MIB1: variants seen among roughly 807,000 people sequenced by gnomAD.
MIB1 encodes the protein E3 ubiquitin-protein ligase MIB1.
In MIB1, 278 loss-of-function variants were observed where a neutral mutation model predicts 124.5. That is an observed-to-expected ratio of 2.23 (90% CI 2.02 to 2.47). The LOEUF (loss-of-function observed/expected upper bound fraction) is 2.47. Ranked by LOEUF, MIB1 falls within the 30% of genes most tolerant of loss-of-function variation. The probability of loss-of-function intolerance (pLI) is 0.00; values close to 1 mark genes in which losing one functional copy is unlikely to be tolerated. For missense variants in MIB1, 957 were observed against 1,254.4 expected, an observed-to-expected ratio of 0.76 and a Z score of 3.58; for synonymous variants, 446 against 429.4, an observed-to-expected ratio of 1.04 and a Z score of -0.48.
Position 21,798,144 on chromosome 18 carries a change from G to T in MIB1, c.1153G>T (p.Val385Phe), listed in dbSNP as rs1422136865. The change falls in exon 8 of 21, where the codon GTT (valine) becomes TTT (phenylalanine). Residue 385 changes from valine (V) to phenylalanine (F), a missense_variant. Val to Phe is a conservative substitution (Grantham distance 50, BLOSUM62 -1). Coordinates refer to ENST00000261537, the MANE Select transcript of MIB1 (RefSeq NM_020774.4). Reference sequence around the variant, plus strand: ...TTCAGACAGTGATTTAAAGGTGGAAGTTTGTGGAACATCTTGGACATACAA... The same window carrying T: ...TTCAGACAGTGATTTAAAGGTGGAATTTTGTGGAACATCTTGGACATACAA... ...IYSDSDLKVE[V>F]CGTSWTYNPA... is the part of the protein sequence containing the mutation. 3.1e-6 allele frequency: 5 copies of T among 1,613,220 alleles called. No individual in the cohort carries two copies. The highest frequency in any genetic ancestry group is 4.2e-6 in the Non-Finnish European group (5 of 1,179,462).
chr18:21,833,320 A>G (rs1313525287), intron 12 of MIB1, among the ~76,000 whole-genome samples: 1 of 152,200 alleles, frequency 6.6e-6, no homozygotes, highest in Non-Finnish European at 1.5e-5. Flanking sequence ...CCATTCAACA[A>G]AACTTTGAGT....
At chr18:21,808,145 TGATTTTATTAAAAGCTTTG>T (rs2041729650) in intron 10 of MIB1, among the ~76,000 whole-genome samples, 5 of 152,364 alleles carry the variant, frequency 3.3e-5, no homozygotes, top group South Asian at 4.1e-4. Context: ...TTTAAAAATC[TGATTTTATTAAAAGCTTTG>T]GAGTTAGCAG....
Position 21,779,602 on chromosome 18 carries a change from G to GT in MIB1, c.828dup (p.Glu277Ter). On this transcript the variant is annotated frameshift_variant, in exon 6 of 21. Coordinates refer to ENST00000261537, the MANE Select transcript of MIB1 (RefSeq NM_020774.4). LOFTEE classifies it high-confidence loss of function. Reference sequence around the variant, plus strand: ...GTCATGGAGGATGGACTGATGGAATGTTTGAGACTTTAACTACAACTGGAA... The same window carrying GT: ...GTCATGGAGGATGGACTGATGGAATGTTTTGAGACTTTAACTACAACTGGAA... The GT allele has an allele frequency of 6.2e-7, 1 of 1,614,098 alleles. No individual in the cohort carries two copies. Among genetic ancestry groups the GT allele is most frequent in the African/African-American group, 1.3e-5 (1 of 75,032 alleles).
intron 6 of MIB1, among the ~76,000 whole-genome samples, chr18:21,789,064 A>C (rs181814711): frequency 2.1e-3 from 323 of 152,312 alleles, no homozygotes; most frequent in African/African-American, 7.5e-3. Context: ...AAATTACCAT[A>C]GACTGGGTGG....
intron 10 of MIB1, among the ~76,000 whole-genome samples, chr18:21,815,326 GC>G (rs2041820320): frequency 6.6e-6 from 1 of 151,706 alleles, no homozygotes; most frequent in Non-Finnish European, 1.5e-5. Context: ...GTGCCACCAT[GC>G]CTGGCTCTCT....
chr18:21,848,415 A>G, intron 16 of MIB1, among the ~76,000 whole-genome samples: 1 of 152,078 alleles, frequency 6.6e-6, no homozygotes, highest in East Asian at 1.9e-4. Context: ...ACACCACTGT[A>G]CTCCAGCCTG....
chr18:21,805,101 C>T (rs933277190), intron 10 of MIB1, among the ~76,000 whole-genome samples: 1 of 152,120 alleles, frequency 6.6e-6, no homozygotes, highest in Non-Finnish European at 1.5e-5. Context: ...CAACCTCTGC[C>T]TCCTGGGATC....
chr18:21,808,473 A>G (rs996463398), intron 10 of MIB1, among the ~76,000 whole-genome samples: 5 of 152,216 alleles, frequency 3.3e-5, no homozygotes, highest in African/African-American at 1.2e-4. Flanking sequence ...CTTCACAGAA[A>G]AGTTGCTGGC....
intron 3 of MIB1, 29 bp from the exon 4 acceptor site, chr18:21,773,595 A>C (rs762784914): frequency 1.3e-6 from 2 of 1,521,724 alleles, no homozygotes; most frequent in Non-Finnish European, 1.8e-6. Flanking sequence ...CCTTTAAAAA[A>C]CTTCTTTTCT....
intron 12 of MIB1, among the ~76,000 whole-genome samples, chr18:21,834,383 A>G (rs1259397953): frequency 6.6e-6 from 1 of 152,024 alleles, no homozygotes; most frequent in East Asian, 1.9e-4. Flanking sequence ...TTTATGTAGC[A>G]CCCTCAAGGA....
At chr18:21,783,031 T>G (rs1568199845) in intron 6 of MIB1, among the ~76,000 whole-genome samples, 1 of 152,308 alleles carries the variant, frequency 6.6e-6, no homozygotes, top group South Asian at 2.1e-4. Flanking sequence ...GACTTTTGTC[T>G]GTTTTTACAG....
At chr18:21,843,428 C>T (rs997501656) in intron 14 of MIB1, among the ~76,000 whole-genome samples, 12 of 152,138 alleles carry the variant, frequency 7.9e-5, no homozygotes, top group African/African-American at 2.9e-4. Flanking sequence ...TGGTACTTTT[C>T]TAAAGCTCTT....
intron 1 of MIB1, among the ~76,000 whole-genome samples, chr18:21,763,062 A>T (rs2041115911): frequency 6.6e-6 from 1 of 151,162 alleles, no homozygotes. Context: ...TATCACTTTA[A>T]TTTTTTTCTG....
chr18:21,785,594 AT>A (rs1476967344), intron 6 of MIB1, among the ~76,000 whole-genome samples: 2 of 152,184 alleles, frequency 1.3e-5, no homozygotes, highest in South Asian at 2.1e-4. Flanking sequence ...TGCCGTAGTT[AT>A]TTTTTTGATA....
At chr18:21,773,033 A>G (rs947563157) in intron 3 of MIB1, among the ~76,000 whole-genome samples, 5 of 152,196 alleles carry the variant, frequency 3.3e-5, no homozygotes, top group Non-Finnish European at 5.9e-5. Context: ...TGGGAGGCCT[A>G]GACGGGCAGA....
chr18:21,764,582 A>G (rs987517899), intron 1 of MIB1, among the ~76,000 whole-genome samples: 2 of 152,220 alleles, frequency 1.3e-5, no homozygotes, highest in African/African-American at 4.8e-5. Context: ...CCTTTCTTCT[A>G]TTTAATTATG....
At chr18:21,816,237 G>C (rs573165046) in intron 11 of MIB1, among the ~76,000 whole-genome samples, 5 of 152,228 alleles carry the variant, frequency 3.3e-5, no homozygotes, top group Middle Eastern at 3.4e-3. Flanking sequence ...GGAGATTTCT[G>C]TTTTGGAAAA....
At chr18:21,785,587 C>T (rs1222276068) in intron 6 of MIB1, among the ~76,000 whole-genome samples, 6 of 151,992 alleles carry the variant, frequency 3.9e-5, no homozygotes, top group African/African-American at 7.2e-5. Flanking sequence ...AACTGTTTGC[C>T]GTAGTTATTT....
At chr18:21,788,444 A>AACGGG (rs1375844841) in intron 6 of MIB1, among the ~76,000 whole-genome samples, 1 of 152,236 alleles carries the variant, frequency 6.6e-6, no homozygotes. Flanking sequence ...ACACTAAACA[A>AACGGG]ACTGGGACCA....
Sources: allele counts gnomAD v4.1 joint callset (sites outside exome capture counted in the v4.1 genomes callset), GRCh38; gene constraint gnomAD v4.1.1; transcripts MANE v1.5; gene names NCBI Gene and HGNC (gene_info 2026-07-23, HGNC 2026-07-21).